Variants in SLC16A7 observed in about 807,000 individuals in gnomAD.
SLC16A7 encodes the protein solute carrier family 16 member 7.
In SLC16A7, 33 loss-of-function variants were observed where a neutral mutation model predicts 34.9. The observed-to-expected ratio is 0.94, with a 90% confidence interval of 0.72 to 1.26. SLC16A7 has a LOEUF of 1.26. SLC16A7 is among the 50% of genes most tolerant of loss of function. The pLI, the probability that SLC16A7 is intolerant of heterozygous loss-of-function variation, is 0.00. For missense variants in SLC16A7, 573 were observed against 578.1 expected (o/e 0.99, Z 0.09); for synonymous variants, 201 against 206.6 (o/e 0.97, Z 0.23).
At chr12:59,612,693 A>C (rs1454417725) in intron 1 of SLC16A7, among the ~76,000 whole-genome samples, 1 of 152,174 alleles carries the variant, frequency 6.6e-6, no homozygotes, top group South Asian at 2.1e-4. Context: ...TTCTTCCACC[A>C]GATACCCTAA....
chr12:59,775,548 A>T, intron 5 of SLC16A7, 73 bp downstream of exon 5: 2 of 1,032,844 alleles, frequency 1.9e-6, no homozygotes, highest in Non-Finnish European at 2.9e-6. Flanking sequence ...TTATATACAG[A>T]TGTTTAAATG....
At chr12:59,687,923 G>C (rs1357190986) in intron 2 of SLC16A7, among the ~76,000 whole-genome samples, 1 of 152,074 alleles carries the variant, frequency 6.6e-6, no homozygotes, top group East Asian at 1.9e-4. Context: ...TTTGCCTACA[G>C]AGAAATATGA....
chr12:59,655,434 A>C (rs1215004576), intron 2 of SLC16A7, among the ~76,000 whole-genome samples, 184 bp downstream of exon 2: 1 of 151,914 alleles, frequency 6.6e-6, no homozygotes, highest in African/African-American at 2.4e-5. Context: ...CCATGATCCA[A>C]TATACTGTGT....
intron 2 of SLC16A7, among the ~76,000 whole-genome samples, chr12:59,690,128 G>A (rs1233873054): frequency 6.6e-6 from 1 of 151,966 alleles, no homozygotes; most frequent in Non-Finnish European, 1.5e-5. Flanking sequence ...CTCTTTTACT[G>A]TAGAGCCATA....
chr12:59,615,458 C>T (rs1879405487), intron 1 of SLC16A7, among the ~76,000 whole-genome samples: 1 of 152,038 alleles, frequency 6.6e-6, no homozygotes, highest in Admixed American at 6.6e-5. Context: ...TTGACATTGA[C>T]TTTTACCTTT....
intron 1 of SLC16A7, among the ~76,000 whole-genome samples, chr12:59,616,028 G>A (rs1879433265): frequency 6.6e-6 from 1 of 152,104 alleles, no homozygotes; most frequent in African/African-American, 2.4e-5. Flanking sequence ...ATAGTCATGG[G>A]AACCTAACAG....
At chr12:59,732,050 G>T (rs1367317018) in intron 3 of SLC16A7, among the ~76,000 whole-genome samples, 2 of 151,470 alleles carry the variant, frequency 1.3e-5, no homozygotes, top group Non-Finnish European at 2.9e-5. Context: ...ATGAAAAGGA[G>T]CTATGCATAT....
At chr12:59,699,101 T>C (rs970759793) in intron 2 of SLC16A7, among the ~76,000 whole-genome samples, 2 of 151,664 alleles carry the variant, frequency 1.3e-5, no homozygotes, top group African/African-American at 4.8e-5. Context: ...TACGTATTTT[T>C]TTATTTTTAA....
chr12:59,772,589 A>ATACTT (rs1175547531), intron 4 of SLC16A7, among the ~76,000 whole-genome samples: 2 of 152,144 alleles, frequency 1.3e-5, no homozygotes, highest in Non-Finnish European at 2.9e-5. Context: ...TTATCAGCAA[A>ATACTT]TACTTTGACT....
intron 2 of SLC16A7, among the ~76,000 whole-genome samples, chr12:59,671,953 ATGTATATATGTGTATATATC>A (rs1869816735): frequency 1.6e-5 from 1 of 62,144 alleles, no homozygotes; most frequent in African/African-American, 9.5e-5. Flanking sequence ...ATGTGTATAT[ATGTATATATGTGTATATATC>A]CATATATCCG....
intron 3 of SLC16A7, among the ~76,000 whole-genome samples, chr12:59,754,339 A>G (rs1193862967): frequency 6.6e-6 from 1 of 152,184 alleles, no homozygotes; most frequent in Non-Finnish European, 1.5e-5. Context: ...GAAAGGATCA[A>G]CAAAATTGAT....
intron 3 of SLC16A7, among the ~76,000 whole-genome samples, chr12:59,770,338 G>T (rs1232036174): frequency 6.6e-6 from 1 of 151,962 alleles, no homozygotes; most frequent in Non-Finnish European, 1.5e-5. Context: ...CTGTCAGTGT[G>T]CAATATATTT....
chr12:59,706,826 T>C (rs76390742), intron 3 of SLC16A7, among the ~76,000 whole-genome samples: 2 of 152,142 alleles, frequency 1.3e-5, no homozygotes, highest in Admixed American at 1.3e-4. Flanking sequence ...TATAAGTCCA[T>C]TGAATTTGAA....
intron 1 of SLC16A7, among the ~76,000 whole-genome samples, chr12:59,633,292 C>T (rs1189333811): frequency 5.9e-5 from 9 of 151,954 alleles, no homozygotes; most frequent in Admixed American, 5.9e-4. Flanking sequence ...TCAGAAACTG[C>T]AATTTGTGCA....
intron 2 of SLC16A7, among the ~76,000 whole-genome samples, chr12:59,691,543 T>C (rs1871652882): frequency 6.6e-6 from 1 of 152,038 alleles, no homozygotes; most frequent in Admixed American, 6.6e-5. Flanking sequence ...TGAAGTCTCA[T>C]ACTCATGTCT....
intron 1 of SLC16A7, among the ~76,000 whole-genome samples, chr12:59,642,290 T>C (rs1440681349): frequency 6.6e-6 from 1 of 152,076 alleles, no homozygotes; most frequent in Non-Finnish European, 1.5e-5. Flanking sequence ...CCTTTAAGAA[T>C]TATTCTAACC....
chr12:59,751,600 G>A (rs2137331239), intron 3 of SLC16A7, among the ~76,000 whole-genome samples: 1 of 152,346 alleles, frequency 6.6e-6, no homozygotes, highest in East Asian at 1.9e-4. Context: ...AAGCAGCCAG[G>A]AAGCTCCAAC....
rs748166038 is a variant in SLC16A7 at position 59,761,226 on chromosome 12, T to A, written c.218-9993T>A. On this transcript the variant is annotated intron_variant, in intron 3 of 5. Coordinates refer to ENST00000547379, the MANE Select transcript of SLC16A7 (RefSeq NM_001270623.2). The stretch of plus-strand genomic sequence containing the variant: ...AGGTACATGAAACTGTATTGTTAAA[T>A]ACTTGGTTGATAAGATTTAGATTTC... 5 of 981,638 alleles carry A rather than the reference T, an allele frequency of 5.1e-6. No homozygotes were observed. In the South Asian group the frequency reaches 7.0e-5, roughly 14 times the overall value. The allele number at this position is 981,638 out of a possible 1,614,324, so 60.8% of individuals were successfully genotyped here.
rs967153969 is a variant in SLC16A7 at position 59,694,336 on chromosome 12, C to T, written c.-30-10436C>T. On this transcript the variant is annotated intron_variant, in intron 2 of 5. Coordinates refer to ENST00000547379, the MANE Select transcript of SLC16A7 (RefSeq NM_001270623.2). Reference sequence around the variant, plus strand: ...CAGACACACAAACTCTAAAACACTACCTTTTTAAAAAAACTTTTAAACCAC... The same window carrying T: ...CAGACACACAAACTCTAAAACACTATCTTTTTAAAAAAACTTTTAAACCAC... Among the ~76,000 whole-genome samples the T allele has an allele frequency of 3.3e-5, 5 of 151,952 alleles. No individual in the cohort carries two copies. The Middle Eastern group carries it at 0.014, about 413-fold the overall frequency.
Sources: allele counts gnomAD v4.1 joint callset (sites outside exome capture counted in the v4.1 genomes callset), GRCh38; gene constraint gnomAD v4.1.1; transcripts MANE v1.5; gene names NCBI Gene and HGNC (gene_info 2026-07-23, HGNC 2026-07-21).